Variants in SMARCA5 observed in about 807,000 individuals in gnomAD.
The protein encoded by SMARCA5 is SNF2 related chromatin remodeling ATPase 5, also known as SWI/SNF-related matrix-associated actin-dependent regulator of chromatin subfamily A member 5.
Under a neutral mutation model 140.4 loss-of-function variants are expected in SMARCA5, and 18 were observed. The ratio of observed to expected loss-of-function variants is 0.13; its 90% CI spans 0.09 to 0.19. SMARCA5 has a LOEUF of 0.19. Among genes scored for constraint, SMARCA5 ranks in the 10% least tolerant of loss-of-function variants. The pLI is 1.00. For synonymous variants in SMARCA5, 449 were observed against 419.6 expected (o/e 1.07, Z -0.86); for missense variants, 606 against 1,276.8 (o/e 0.47, Z 8.01).
At chr4:143,517,247 TG>T in intron 1 of SMARCA5, 107 bp from the exon 2 acceptor site, 1 of 679,668 alleles carries the variant, frequency 1.5e-6, no homozygotes, top group Non-Finnish European at 2.4e-6. Context: ...CTAGGAAGTT[TG>T]GGGTGAGAAT....
At chr4:143,548,703 A>G (rs1295834937) in intron 22 of SMARCA5, among the ~76,000 whole-genome samples, 1 of 151,968 alleles carries the variant, frequency 6.6e-6, no homozygotes, top group Non-Finnish European at 1.5e-5. Context: ...TTTCTTCCTT[A>G]TTTCACCACC....
intron 19 of SMARCA5, 148 bp downstream of exon 19, chr4:143,546,195 C>G (rs964579721): frequency 1.2e-5 from 6 of 521,074 alleles, no homozygotes; most frequent in African/African-American, 4.0e-5. Flanking sequence ...TGGATAAATG[C>G]TCCATCTGAT....
At chr4:143,514,220 C>T in intron 1 of SMARCA5, 119 bp downstream of exon 1, 1 of 917,876 alleles carries the variant, frequency 1.1e-6, no homozygotes, top group Non-Finnish European at 1.6e-6. Context: ...GACTCAGCTT[C>T]ACACCCTGTG....
At chr4:143,540,281 A>T in intron 13 of SMARCA5, 82 bp from the exon 14 acceptor site, 1 of 1,079,910 alleles carries the variant, frequency 9.3e-7, no homozygotes, top group Non-Finnish European at 1.3e-6. Context: ...GAATATTTTA[A>T]TTTTTTTTCT....
chr4:143,547,588 GAAGT>G (rs1737553063), intron 21 of SMARCA5, 85 bp downstream of exon 21: 2 of 756,728 alleles, frequency 2.6e-6, no homozygotes, highest in South Asian at 3.4e-5. Context: ...TAAAGGAAAA[GAAGT>G]AAGGGTTTAC....
intron 5 of SMARCA5, 27 bp downstream of exon 5, chr4:143,525,578 G>T: frequency 7.0e-7 from 1 of 1,423,456 alleles, no homozygotes; most frequent in Non-Finnish European, 9.9e-7. Flanking sequence ...TTTTTTGAAG[G>T]GTATGTTTTG....
chr4:143,527,816 G>T, intron 6 of SMARCA5, 52 bp from the exon 7 acceptor site: 1 of 1,471,602 alleles, frequency 6.8e-7, no homozygotes. Context: ...ATCAGTAAAT[G>T]TAATGCGTAG....
intron 14 of SMARCA5, among the ~76,000 whole-genome samples, chr4:143,542,332 T>C (rs567485264): frequency 1.3e-5 from 2 of 152,330 alleles, no homozygotes; most frequent in East Asian, 3.9e-4. Context: ...CTTAAGTGCA[T>C]ACCTTTGTGT....
At chr4:143,536,719 A>G in intron 11 of SMARCA5, 41 bp downstream of exon 11, 2 of 1,400,152 alleles carry the variant, frequency 1.4e-6, no homozygotes, top group Middle Eastern at 3.5e-4. Flanking sequence ...CTGTTTTAAA[A>G]TGCTCATGTT....
chr4:143,535,759 T>TA (rs1242920896), intron 10 of SMARCA5, among the ~76,000 whole-genome samples: 1 of 152,186 alleles, frequency 6.6e-6, no homozygotes, highest in Non-Finnish European at 1.5e-5. Context: ...CTAGGCTACT[T>TA]ACTTTGTTCA....
At chr4:143,536,072 A>G (rs1480126466) in intron 10 of SMARCA5, among the ~76,000 whole-genome samples, 2 of 152,200 alleles carry the variant, frequency 1.3e-5, no homozygotes, top group Non-Finnish European at 2.9e-5. Flanking sequence ...ATAGTAATCG[A>G]ATAGTGGCAC....
In SMARCA5 at chr4:143,556,876, C is replaced by T. The variant is rs1167831196; in HGVS notation, c.*3692C>T. The T allele has an allele frequency of 3.9e-5, 6 of 152,138 alleles. No homozygotes were observed. The highest frequency in any genetic ancestry group is 3.9e-4 in the East Asian group (2 of 5,182). 9.4% of individuals were successfully genotyped at this position (152,138 alleles called of 1,614,324 possible). On this transcript the variant is annotated 3_prime_UTR_variant, in exon 24 of 24. Coordinates refer to ENST00000283131, the MANE Select transcript of SMARCA5 (RefSeq NM_003601.4). ...ACAGTAGTTACCAGAAAAGACTATG[C>T]TACAAGAACCAAAATTGAAGTAAGA...
chr4:143,520,642 CAG>C (rs1456134852), intron 2 of SMARCA5, among the ~76,000 whole-genome samples: 2 of 152,276 alleles, frequency 1.3e-5, no homozygotes, highest in East Asian at 3.9e-4. Flanking sequence ...CATTTATAGA[CAG>C]AGATGTTGAG....
At position 143,521,492 on chromosome 4, in the gene SMARCA5, A is replaced by G; in HGVS notation, c.316A>G (p.Ile106Val). Residue 106 changes from isoleucine (I) to valine (V), a missense_variant, in exon 3 of 24, where the codon ATT becomes GTT. Coordinates refer to ENST00000283131, the MANE Select transcript of SMARCA5 (RefSeq NM_003601.4). The stretch of plus-strand genomic sequence containing the variant: ...GCAGACAGAACTTTTTGCACATTTC[A>G]TTCAACCTGCTGCTCAGAAGACTCC... The part of the protein sequence containing the change: ...LKQTELFAHF[I>V]QPAAQKTPTS... 6.2e-7 allele frequency: 1 copy of G among 1,613,650 alleles called. No individual in the cohort carries two copies.
chr4:143,536,330 T>C (rs1289984491), intron 10 of SMARCA5, 122 bp from the exon 11 acceptor site: 2 of 670,482 alleles, frequency 3.0e-6, no homozygotes, highest in East Asian at 2.7e-5. Flanking sequence ...TACCTAGAAG[T>C]TGATGAGTAG....
In SMARCA5 at chr4:143,553,901, A is replaced by T. The variant is rs1737695893; in HGVS notation, c.*717A>T. ...AAGGAATATTATTATTATTATTTTT[A>T]ATTATTTGGTAAATATTTTGTCATA... On this transcript the variant is annotated 3_prime_UTR_variant, in exon 24 of 24. Transcript: ENST00000283131. The T allele has an allele frequency of 6.6e-6, 1 of 151,674 alleles. No individual in the cohort carries two copies. The highest frequency in any genetic ancestry group is 1.5e-5 in the Non-Finnish European group (1 of 67,858). The allele number at this position is 151,674 out of a possible 1,614,324, so 9.4% of individuals were successfully genotyped here. A position where few individuals can be genotyped will look rare whatever the true frequency, so the allele number is the denominator to read the frequency against.
intron 23 of SMARCA5, among the ~76,000 whole-genome samples, 184 bp downstream of exon 23, chr4:143,550,288 T>C (rs1737617758): frequency 6.7e-6 from 1 of 149,766 alleles, no homozygotes; most frequent in South Asian, 2.1e-4. Flanking sequence ...ATTCTTCCAC[T>C]TTCAAATTTA....
Position 143,546,630 on chromosome 4 carries a change from AT to A in SMARCA5, c.2521-143del, listed in dbSNP as rs1560821717. ...ATATAATGTGTTGTCAAAAGTGTAT[AT>A]TTATGTACACGAAAAGTTACCACTC... On this transcript the variant is annotated intron_variant, in intron 19 of 23. Transcript: ENST00000283131. 4.8e-6 allele frequency: 3 copies of A among 628,862 alleles called. No homozygotes were observed. The Admixed American group carries it at 9.5e-5, about 20-fold the overall frequency. The allele number at this position is 628,862 out of a possible 1,614,324, so 39.0% of individuals were successfully genotyped here. A position where few individuals can be genotyped will look rare whatever the true frequency, so the allele number is the denominator to read the frequency against.
chr4:143,550,115 A>G lies in SMARCA5; in HGVS notation c.3093+11A>G, dbSNP rs1737612890. The G allele has an allele frequency of 1.2e-5, 17 of 1,408,196 alleles. No individual in the cohort carries two copies. The East Asian group carries it at 3.9e-4, about 33-fold the overall frequency. 87.2% of individuals were successfully genotyped at this position (1,408,196 alleles called of 1,614,324 possible). A position where few individuals can be genotyped will look rare whatever the true frequency, so the allele number is the denominator to read the frequency against. Reference sequence around the variant, plus strand: ...GGACCAAAGCCTTCAGTAAGTATTCATGAATATGTAAATATGTGGATTATG... The same window carrying G: ...GGACCAAAGCCTTCAGTAAGTATTCGTGAATATGTAAATATGTGGATTATG... On this transcript the variant is annotated intron_variant, in intron 23 of 23. Transcript: ENST00000283131.
Sources: gnomAD v4.1 joint callset for allele counts (sites outside exome capture counted in the v4.1 genomes callset) on GRCh38, gnomAD v4.1.1 for gene constraint, MANE v1.5 for transcripts, NCBI Gene and HGNC (gene_info 2026-07-23, HGNC 2026-07-21) for gene names.